Variants in LILRB2 observed in about 807,000 individuals in gnomAD.
LILRB2 encodes leukocyte immunoglobulin like receptor B2, also known as leukocyte immunoglobulin-like receptor subfamily B member 2.
In LILRB2, 47 loss-of-function variants were observed where a neutral mutation model predicts 72.7. The ratio of observed to expected loss-of-function variants is 0.65; its 90% CI spans 0.51 to 0.82. The LOEUF (loss-of-function observed/expected upper bound fraction) is 0.82, where lower values mean the gene tolerates loss of function less well. Ranked by LOEUF, LILRB2 falls within the 40% of genes least tolerant of loss-of-function variation. The probability of loss-of-function intolerance (pLI) is 0.00; values close to 1 mark genes in which losing one functional copy is unlikely to be tolerated. For missense variants in LILRB2, 767 were observed against 764.8 expected (o/e 1.00, Z -0.03); for synonymous variants, 279 against 313.7 (o/e 0.89, Z 1.17).
chr19:54,275,008 C>T, intron 13 of LILRB2, 179 bp from the exon 14 acceptor site: 1 of 1,608,632 alleles, frequency 6.2e-7, no homozygotes, highest in Non-Finnish European at 8.5e-7. Flanking sequence ...TCTCCTAGGT[C>T]TGGAGTGTTT....
intron 6 of LILRB2, 49 bp from the exon 7 acceptor site, chr19:54,278,611 T>C (rs184104387): frequency 6.2e-7 from 1 of 1,603,724 alleles, no homozygotes; most frequent in African/African-American, 1.3e-5. Context: ...TGCTCTGAGC[T>C]GAGACCTCCC....
Position 54,276,773 on chromosome 19 carries a change from G to T in LILRB2, c.1480+34C>A, listed in dbSNP as rs374601999. The T allele has an allele frequency of 1.9e-5, 30 of 1,603,540 alleles. No homozygotes were observed. The African/African-American group carries it at 3.1e-4, about 16-fold the overall frequency. ...TTGGCTGTGCCCTGAGCCCACCCTC[G>T]GTCGGCCCACAGGGTTTCCCCTTCC... On this transcript the variant is annotated intron_variant, in intron 10 of 13. Transcript: ENST00000314446.
Position 54,276,864 on chromosome 19 carries a change from G to A in LILRB2, c.1423C>T (p.Leu475Phe), listed in dbSNP as rs775032180. 4 of 1,614,060 alleles carry A rather than the reference G, an allele frequency of 2.5e-6. No individual in the cohort carries two copies. The highest frequency in any genetic ancestry group is 2.2e-5 in the East Asian group (1 of 44,874). Residue 475 changes from leucine to phenylalanine, a missense_variant, in exon 10 of 14, where the codon CTC (leucine) becomes TTC (phenylalanine). This residue lies in a region of LILRB2 where 162 missense variants were observed against 176.7 expected (regional missense o/e 0.92). Transcript: ENST00000314446. ...LVAVVLLLLL[L>F]LLLFLILRHR... is the part of the protein sequence containing the mutation. ...CGGAGGATGAGGAAGAGGAGGAGGA[G>A]GAGGAGGAGCAGTAGGACGACGGCC... is the stretch of plus-strand genomic sequence containing the variant.
chr19:54,278,878 A>T lies in LILRB2; in HGVS notation c.889T>A (p.Tyr297Asn). 6.2e-7 allele frequency: 1 copy of T among 1,614,104 alleles called. No homozygotes were observed. Among genetic ancestry groups the T allele is most frequent in the Non-Finnish European group, 8.5e-7 (1 of 1,179,988 alleles). Residue 297 changes from tyrosine (Y) to asparagine (N), a missense_variant, in exon 6 of 14, where the codon TAC becomes AAC. By Grantham distance (143) the Tyr-to-Asn change is moderately radical (BLOSUM62 -2). Around this residue, in one of 3 missense-constraint regions of LILRB2, gnomAD observed 599 missense variants for 568.2 expected, o/e 1.05. Coordinates refer to ENST00000314446, the MANE Select transcript of LILRB2 (RefSeq NM_001080978.4). ...TCAGAGGAGAGGTTGTGTGCACCGTAGCATCTGTACTGGCCCCCGTAGGAG... is the reference window on the plus strand; with the variant it reads ...TCAGAGGAGAGGTTGTGTGCACCGTTGCATCTGTACTGGCCCCCGTAGGAG... ...SRSYGGQYRC[Y>N]GAHNLSSECS...
Position 54,277,549 on chromosome 19 carries a change from C to T in LILRB2, c.1357+1G>A. On this transcript the variant is annotated splice_donor_variant, in intron 9 of 13. Transcript: ENST00000314446. LOFTEE classifies it high-confidence loss of function. ...CCTCCCACTCAGAGCCCCTCACTCA[C>T]CACTTTGGGGATCCGACCCAGTGGG... 1 of 1,572,438 alleles carries T rather than the reference C, an allele frequency of 6.4e-7. No homozygotes were observed. Among genetic ancestry groups the T allele is most frequent in the South Asian group, 1.2e-5 (1 of 85,782 alleles).
chr19:54,280,645 C>A (rs191476279), intron 1 of LILRB2, 101 bp from the exon 2 acceptor site: 2 of 1,485,444 alleles, frequency 1.3e-6, no homozygotes, highest in Non-Finnish European at 1.9e-6. Flanking sequence ...TTGTCATCTG[C>A]AGCCACACAA....
chr19:54,276,544 A>T lies in LILRB2; in HGVS notation c.1481-88T>A, dbSNP rs188606040. ...AGCTCGAAGGTAAGGAAGGAAACCT[A>T]AAAACACTCCTGCCTCCATGTTCCA... is the stretch of plus-strand genomic sequence containing the variant. On this transcript the variant is annotated intron_variant, in intron 10 of 13. Transcript: ENST00000314446. 9.3e-3 allele frequency: 12,207 copies of T among 1,310,712 alleles called. 240 individuals are homozygous for T. The highest frequency in any genetic ancestry group is 0.069 in the South Asian group (4,671 of 68,036). The allele number at this position is 1,310,712 out of a possible 1,614,324, so 81.2% of individuals were successfully genotyped here. A position where few individuals can be genotyped will look rare whatever the true frequency, so the allele number is the denominator to read the frequency against.
chr19:54,275,007 T>A (rs530670497), intron 13 of LILRB2, 178 bp from the exon 14 acceptor site: 632 of 1,608,674 alleles, frequency 3.9e-4, no homozygotes, highest in South Asian at 1.1e-3. Context: ...CTCTCCTAGG[T>A]CTGGAGTGTT....
chr19:54,275,232 C>A lies in LILRB2; in HGVS notation c.1648-403G>T. ...GGCCGCTCCCTTCCTGTGGTTCTGG[C>A]CTCTGCTCCTCACTTTGACCTTGCC... On this transcript the variant is annotated intron_variant, in intron 13 of 13. Coordinates refer to ENST00000314446, the MANE Select transcript of LILRB2 (RefSeq NM_001080978.4). The A allele has an allele frequency of 6.4e-6, 6 of 930,530 alleles. 1 individual carries two copies. The highest frequency in any genetic ancestry group is 8.0e-6 in the Non-Finnish European group (5 of 626,694). The allele number at this position is 930,530 out of a possible 1,614,324, so 57.6% of individuals were successfully genotyped here. A position where few individuals can be genotyped will look rare whatever the true frequency, so the allele number is the denominator to read the frequency against.
chr19:54,279,476 G>A lies in LILRB2; in HGVS notation c.527C>T (p.Ser176Leu), dbSNP rs576220286. ...CLNSQPHARG[S>L]SRAIFSVGPV... is the part of the protein sequence containing the mutation. ...GCCCACGGAGAAGATGGCGCGGGACGACCCACGGGCATGGGGCTGGGAGTT... is the reference window on the plus strand; with the variant it reads ...GCCCACGGAGAAGATGGCGCGGGACAACCCACGGGCATGGGGCTGGGAGTT... The change falls in exon 5 of 14, where the codon TCG (serine) becomes TTG (leucine). Residue 176 changes from serine to leucine, a missense_variant. By Grantham distance (145) the Ser-to-Leu change is moderately radical. Coordinates refer to ENST00000314446, the MANE Select transcript of LILRB2 (RefSeq NM_001080978.4). The A allele has an allele frequency of 9.3e-6, 15 of 1,613,752 alleles. No homozygotes were observed. Among genetic ancestry groups the A allele is most frequent in the Non-Finnish European group, 1.3e-5 (15 of 1,179,964 alleles).
rs777121670 is a variant in LILRB2, at chr19:54,277,848, G to A, written c.1309+41C>T. The stretch of plus-strand genomic sequence containing the variant: ...CTGGACACTCAAAGCTGCCCTGGGG[G>A]TCGCTGCGCTCCCTTCGAGCCAGAG... On this transcript the variant is annotated intron_variant, in intron 8 of 13. Coordinates refer to ENST00000314446, the MANE Select transcript of LILRB2 (RefSeq NM_001080978.4). 4.7e-6 allele frequency: 7 copies of A among 1,493,078 alleles called. No individual in the cohort carries two copies. In the Admixed American group the frequency reaches 5.9e-5, roughly 13 times the overall value. 92.5% of individuals were successfully genotyped at this position (1,493,078 alleles called of 1,614,324 possible).
At chr19:54,277,043 C>T in intron 9 of LILRB2, 114 bp from the exon 10 acceptor site, 1 of 1,523,014 alleles carries the variant, frequency 6.6e-7, no homozygotes, top group Non-Finnish European at 8.9e-7. Flanking sequence ...AACAGTCGTG[C>T]AGCACACAAA....
At chr19:54,279,315 G>A in intron 5 of LILRB2, 30 bp downstream of exon 5, 2 of 1,593,726 alleles carry the variant, frequency 1.3e-6, no homozygotes, top group Admixed American at 1.7e-5. Context: ...GAGACTCAGG[G>A]AACTCCAGAC....
At position 54,278,222 on chromosome 19, in the gene LILRB2, G is replaced by T. The variant is rs372264495; in HGVS notation, c.1258+38C>A. The T allele has an allele frequency of 1.2e-4, 196 of 1,612,084 alleles. No individual in the cohort carries two copies. The African/African-American group carries it at 2.0e-3, about 16-fold the overall frequency. The stretch of plus-strand genomic sequence containing the variant: ...TCCTGGGGGGCAGGGCCTGAGCTGA[G>T]CCTTTGAGCTCAGAGAGGACAGGGT... On this transcript the variant is annotated intron_variant, in intron 7 of 13. Transcript: ENST00000314446.
rs2080104026 is a variant in LILRB2, at chr19:54,274,146, T to C, written c.*537A>G. Reference sequence around the variant, plus strand: ...TCTTGCTCAATGTAGTTAGGATTTATGACTGTAATTAATATTTTCAAGAAT... The same window carrying C: ...TCTTGCTCAATGTAGTTAGGATTTACGACTGTAATTAATATTTTCAAGAAT... On this transcript the variant is annotated 3_prime_UTR_variant, in exon 14 of 14. Coordinates refer to ENST00000314446, the MANE Select transcript of LILRB2 (RefSeq NM_001080978.4). 6.4e-6 allele frequency: 1 copy of C among 157,188 alleles called. No individual in the cohort carries two copies. Among genetic ancestry groups the C allele is most frequent in the Admixed American group, 6.1e-5 (1 of 16,290 alleles). 9.7% of individuals were successfully genotyped at this position (157,188 alleles called of 1,614,324 possible).
At chr19:54,275,156 C>T (rs1314580657) in intron 13 of LILRB2, 6 of 1,499,830 alleles carry the variant, frequency 4.0e-6, no homozygotes, top group East Asian at 4.6e-5. Flanking sequence ...GATCCGATTA[C>T]ATCCCTTTCC....
chr19:54,278,189 C>G (rs1212999314), intron 7 of LILRB2, 71 bp downstream of exon 7: 21 of 1,585,772 alleles, frequency 1.3e-5, no homozygotes, highest in Middle Eastern at 3.7e-4. Flanking sequence ...CATCCCAGCC[C>G]AGAGCTCTCC....
chr19:54,280,559 A>T lies in LILRB2; in HGVS notation c.-48-15T>A. The T allele has an allele frequency of 1.9e-6, 3 of 1,613,118 alleles. No individual in the cohort carries two copies. The highest frequency in any genetic ancestry group is 2.5e-6 in the Non-Finnish European group (3 of 1,179,428). ...AGCCCTCGGTGCTGGCGGGACAGAG[A>T]CACACAGAGAGAAATAGCCTCCCCT... On this transcript the variant is annotated splice_polypyrimidine_tract_variant and intron_variant, in intron 1 of 13. Coordinates refer to ENST00000314446, the MANE Select transcript of LILRB2 (RefSeq NM_001080978.4).
rs55849651 is a variant in LILRB2 at position 54,273,856 on chromosome 19, TCACACACACACA to T, written c.*815_*826del. ...ACATTTTTATTACAGTCAATGTTTT[TCACACACACACA>T]CACACACACACACACACATATATAT... On this transcript the variant is annotated 3_prime_UTR_variant, in exon 14 of 14. Transcript: ENST00000314446. 1 of 148,894 alleles carries T rather than the reference TCACACACACACA, an allele frequency of 6.7e-6. No homozygotes were observed. Among genetic ancestry groups the T allele is most frequent in the Non-Finnish European group, 1.5e-5 (1 of 66,998 alleles). 9.2% of individuals were successfully genotyped at this position (148,894 alleles called of 1,614,324 possible). A position where few individuals can be genotyped will look rare whatever the true frequency, so the allele number is the denominator to read the frequency against.
Sources: allele counts gnomAD v4.1 joint callset, GRCh38; gene constraint gnomAD v4.1.1; regional missense constraint gnomAD v4.1.1; transcripts MANE v1.5; gene names NCBI Gene and HGNC (gene_info 2026-07-23, HGNC 2026-07-21).